FOXJ3: variants seen among roughly 807,000 people sequenced by gnomAD.
FOXJ3 encodes forkhead box J3.
In FOXJ3, 22 loss-of-function variants were observed where a neutral mutation model predicts 76.1. The ratio of observed to expected loss-of-function variants is 0.29; its 90% CI spans 0.21 to 0.41. The LOEUF is 0.41. Ranked by LOEUF, FOXJ3 falls within the 10% of genes least tolerant of loss-of-function variation. FOXJ3 has a pLI of 1.00. For missense variants in FOXJ3, 613 were observed against 762.1 expected (o/e 0.80, Z 2.30); for synonymous variants, 269 against 261.2 (o/e 1.03, Z -0.29).
At chr1:42,236,577 A>C (rs953955610) in intron 4 of FOXJ3, among the ~76,000 whole-genome samples, 2 of 152,246 alleles carry the variant, frequency 1.3e-5, no homozygotes, top group African/African-American at 4.8e-5. Flanking sequence ...CAATTTAAGA[A>C]ATTTTGACAA....
At chr1:42,332,443 T>C (rs1300098686) in intron 1 of FOXJ3, among the ~76,000 whole-genome samples, 1 of 152,222 alleles carries the variant, frequency 6.6e-6, no homozygotes, top group African/African-American at 2.4e-5. Context: ...TTAGAATACC[T>C]GTCATACAGT....
chr1:42,189,147 G>C (rs1423674614), intron 10 of FOXJ3, 156 bp downstream of exon 10: 1 of 647,304 alleles, frequency 1.5e-6, no homozygotes, highest in East Asian at 2.8e-5. Flanking sequence ...GTGACCCTCT[G>C]CTATACCAAG....
At chr1:42,280,173 G>A (rs1652591435) in intron 2 of FOXJ3, 1 of 254,768 alleles carries the variant, frequency 3.9e-6, no homozygotes, top group African/African-American at 2.3e-5. Flanking sequence ...TTCAGTAAGT[G>A]CTAGTTAATA....
Position 42,191,654 on chromosome 1 carries a change from G to C in FOXJ3, c.1000C>G (p.Pro334Ala). The C allele has an allele frequency of 6.2e-7, 1 of 1,614,162 alleles. No homozygotes were observed. Among genetic ancestry groups the C allele is most frequent in the African/African-American group, 1.3e-5 (1 of 75,010 alleles). The change falls in exon 9 of 13, where the codon CCC (proline) becomes GCC (alanine). Residue 334 changes from proline (P) to alanine (A), a missense_variant. Physicochemically the swap from Pro to Ala is conservative, Grantham distance 27. Transcript: ENST00000361346. Reference protein sequence around the residue: ...SHTSCTYQHSPSSTVSTHPHS... With the variant: ...SHTSCTYQHSASSTVSTHPHS... ...GGGTGAGTGCTCACTGTACTGCTGG[G>C]AGAGTGCTGATAGGTACATGAAGTG...
chr1:42,236,820 T>C (rs527590164), intron 4 of FOXJ3, among the ~76,000 whole-genome samples: 1 of 152,314 alleles, frequency 6.6e-6, no homozygotes, highest in South Asian at 2.1e-4. Flanking sequence ...CAACACTTGG[T>C]ATTTTAAGCC....
intron 2 of FOXJ3, among the ~76,000 whole-genome samples, chr1:42,298,825 G>A (rs1653954492): frequency 6.6e-6 from 1 of 152,086 alleles, no homozygotes; most frequent in Non-Finnish European, 1.5e-5. Context: ...TATCCCAGAG[G>A]TTTTAGTATG....
chr1:42,280,347 T>C (rs1245975673), intron 2 of FOXJ3: 45 of 979,920 alleles, frequency 4.6e-5, no homozygotes, highest in Non-Finnish European at 5.3e-5. Context: ...AATTTTACCT[T>C]ACTCATTTTC....
chr1:42,195,184 G>A (rs916962318), intron 7 of FOXJ3, 120 bp from the exon 8 acceptor site: 9 of 696,648 alleles, frequency 1.3e-5, no homozygotes, highest in Non-Finnish European at 2.0e-5. Flanking sequence ...TAACTCTTCT[G>A]TCTTAGGCTT....
chr1:42,230,666 A>G (rs1434794839), intron 4 of FOXJ3, among the ~76,000 whole-genome samples: 1 of 152,214 alleles, frequency 6.6e-6, no homozygotes, highest in Non-Finnish European at 1.5e-5. Context: ...TGGATTTTAT[A>G]GCATTTGTAT....
At chr1:42,237,911 T>TAC (rs60804378) in intron 4 of FOXJ3, among the ~76,000 whole-genome samples, 1,681 of 150,714 alleles carry the variant, frequency 0.011, 14 homozygotes, top group East Asian at 0.036. Context: ...TCTATCAAAA[T>TAC]ACACACACAC....
chr1:42,207,755 C>A (rs1393563240), intron 5 of FOXJ3, among the ~76,000 whole-genome samples: 1 of 152,166 alleles, frequency 6.6e-6, no homozygotes, highest in Admixed American at 6.5e-5. Flanking sequence ...AATCAACCTT[C>A]GGGCAGAGAA....
chr1:42,190,416 C>T (rs1401013728), intron 9 of FOXJ3, among the ~76,000 whole-genome samples: 2 of 152,114 alleles, frequency 1.3e-5, no homozygotes, highest in African/African-American at 4.8e-5. Context: ...ACAACATGAC[C>T]CTGCCATGAA....
intron 4 of FOXJ3, among the ~76,000 whole-genome samples, chr1:42,252,836 A>G (rs1650213004): frequency 6.6e-6 from 1 of 151,640 alleles, no homozygotes; most frequent in Non-Finnish European, 1.5e-5. Flanking sequence ...GCTGTCTATG[A>G]CAAACCCACA....
intron 3 of FOXJ3, among the ~76,000 whole-genome samples, chr1:42,270,212 A>C (rs983874919): frequency 6.6e-6 from 1 of 152,168 alleles, no homozygotes; most frequent in African/African-American, 2.4e-5. Context: ...TCATTCTTGG[A>C]TTAAACTTCA....
intron 4 of FOXJ3, among the ~76,000 whole-genome samples, chr1:42,237,537 C>T (rs1436820011): frequency 1.3e-5 from 2 of 149,422 alleles, no homozygotes; most frequent in African/African-American, 2.5e-5. Flanking sequence ...AATAACGAGT[C>T]ATTTCTATGT....
chr1:42,289,697 G>A (rs1201335713), intron 2 of FOXJ3, among the ~76,000 whole-genome samples: 5 of 152,022 alleles, frequency 3.3e-5, no homozygotes, highest in Non-Finnish European at 5.9e-5. Context: ...TCTCTGATAC[G>A]CAATCTGACA....
At chr1:42,247,680 C>T (rs1032146001) in intron 4 of FOXJ3, among the ~76,000 whole-genome samples, 2 of 152,154 alleles carry the variant, frequency 1.3e-5, no homozygotes, top group African/African-American at 2.4e-5. Context: ...CAAAACTGTG[C>T]GAATGTAAAC....
chr1:42,264,913 G>C, intron 4 of FOXJ3: 1 of 513,440 alleles, frequency 1.9e-6, no homozygotes, highest in Non-Finnish European at 3.5e-6. Flanking sequence ...AAACAGCAAA[G>C]TACAACAGCA....
chr1:42,191,779 T>C (rs1025966009), intron 8 of FOXJ3, 60 bp from the exon 9 acceptor site: 5 of 1,552,534 alleles, frequency 3.2e-6, no homozygotes, highest in Admixed American at 3.5e-5. Context: ...GACAAACATT[T>C]GTAAAATTAT....
Sources: gnomAD v4.1 joint callset for allele counts (sites outside exome capture counted in the v4.1 genomes callset) on GRCh38, gnomAD v4.1.1 for gene constraint, MANE v1.5 for transcripts, NCBI Gene and HGNC (gene_info 2026-07-23, HGNC 2026-07-21) for gene names.